NTM: variants seen among roughly 807,000 people sequenced by gnomAD.
NTM encodes the protein IgLON family member 2.
A neutral mutation model predicts 42.1 loss-of-function variants in NTM; 13 were observed. That is an observed-to-expected ratio of 0.31 (90% CI 0.20 to 0.49). The LOEUF is 0.49. NTM is among the 20% of genes least tolerant of loss of function. The probability of loss-of-function intolerance (pLI) is 0.99; values close to 1 mark genes in which losing one functional copy is unlikely to be tolerated. For synonymous variants in NTM, 187 were observed against 179.2 expected, an observed-to-expected ratio of 1.04 and a Z score of -0.35; for missense variants, 373 against 452.8, an observed-to-expected ratio of 0.82 and a Z score of 1.60.
At chr11:131,651,984 G>A (rs2512899) in intron 1 of NTM, among the ~76,000 whole-genome samples, 29,002 of 152,052 alleles carry the variant, frequency 0.19, 2,855 homozygotes, top group South Asian at 0.23. Flanking sequence ...AGCCTGAGGT[G>A]GCCCCCAGCA....
chr11:131,621,966 GTC>G (rs1266562743), intron 1 of NTM, among the ~76,000 whole-genome samples: 1 of 152,144 alleles, frequency 6.6e-6, no homozygotes, highest in Admixed American at 6.5e-5. Context: ...TGTCCTTTCA[GTC>G]TCTCTTTGGA....
In NTM at chr11:131,655,307, A is replaced by G. The variant is rs376341489; in HGVS notation, c.83-256257A>G. Among the ~76,000 whole-genome samples, 19 of 152,330 alleles carry G rather than the reference A, an allele frequency of 1.2e-4. No individual in the cohort carries two copies. In the East Asian group the frequency reaches 3.5e-3, roughly 28 times the overall value. ...AAACAGAGGCTCCCATCCTTACCCT[A>G]CACCAGAGCTATCCTTTGTGTTTTC... On this transcript the variant is annotated intron_variant, in intron 1 of 8. Coordinates refer to ENST00000683400, the MANE Select transcript of NTM (RefSeq NM_001352005.2).
At chr11:132,193,807 A>T (rs1241537490) in intron 3 of NTM, among the ~76,000 whole-genome samples, 1 of 152,250 alleles carries the variant, frequency 6.6e-6, no homozygotes, top group African/African-American at 2.4e-5. Flanking sequence ...CCATAGAAAT[A>T]CAAAAACTAC....
intron 2 of NTM, among the ~76,000 whole-genome samples, chr11:132,012,125 A>C (rs898483935): frequency 4.6e-5 from 7 of 152,170 alleles, no homozygotes; most frequent in Non-Finnish European, 1.0e-4. Flanking sequence ...AGAACAGCGT[A>C]GTCACCTTGT....
chr11:132,001,398 T>C (rs1428491224), intron 2 of NTM, among the ~76,000 whole-genome samples: 1 of 152,248 alleles, frequency 6.6e-6, no homozygotes, highest in Non-Finnish European at 1.5e-5. Context: ...TATAAAGATA[T>C]ACCTGAAATT....
At chr11:131,943,725 C>T (rs1007274188) in intron 2 of NTM, among the ~76,000 whole-genome samples, 8 of 152,082 alleles carry the variant, frequency 5.3e-5, no homozygotes, top group African/African-American at 1.9e-4. Context: ...TTGTCTCTCT[C>T]TGTAGGTGCC....
intron 1 of NTM, among the ~76,000 whole-genome samples, chr11:131,784,507 C>T (rs1238584598): frequency 6.6e-6 from 1 of 152,026 alleles, no homozygotes; most frequent in Non-Finnish European, 1.5e-5. Flanking sequence ...TGAAAAAGAA[C>T]ACATATGATT....
At chr11:131,621,257 TA>T (rs1225562597) in intron 1 of NTM, among the ~76,000 whole-genome samples, 1 of 152,186 alleles carries the variant, frequency 6.6e-6, no homozygotes, top group Non-Finnish European at 1.5e-5. Flanking sequence ...ATTTATCCCC[TA>T]AAAACTAGGA....
chr11:131,697,998 A>C (rs796152322), intron 1 of NTM, among the ~76,000 whole-genome samples: 10 of 152,300 alleles, frequency 6.6e-5, no homozygotes, highest in African/African-American at 2.2e-4. Flanking sequence ...TAGGAAGTAT[A>C]TATCTGAATC....
chr11:132,012,801 C>T (rs1052849626), intron 2 of NTM, among the ~76,000 whole-genome samples: 2 of 152,098 alleles, frequency 1.3e-5, no homozygotes, highest in Admixed American at 1.3e-4. Context: ...GAAGAAGGGG[C>T]TAGAAGAAGG....
At chr11:131,447,106 C>T (rs1272520941) in intron 1 of NTM, among the ~76,000 whole-genome samples, 3 of 152,212 alleles carry the variant, frequency 2.0e-5, no homozygotes, top group African/African-American at 7.2e-5. Flanking sequence ...TAGCATGGGT[C>T]ATTGAGCTGT....
rs138369049 is a variant in NTM at position 131,617,641 on chromosome 11, C to T, written c.82+246753C>T. ...TTCTGGTGGCTTTAATGTGTCCAAG[C>T]GTTATGTTGTTCTGAGCTGAAAGAT... On this transcript the variant is annotated intron_variant, in intron 1 of 8. Coordinates refer to ENST00000683400, the MANE Select transcript of NTM (RefSeq NM_001352005.2). Among the ~76,000 whole-genome samples, 250 of 152,198 alleles carry T rather than the reference C, an allele frequency of 1.6e-3. 2 individuals are homozygous for T. The highest frequency in any genetic ancestry group is 5.7e-3 in the African/African-American group (236 of 41,516).
intron 2 of NTM, among the ~76,000 whole-genome samples, chr11:132,102,827 C>G (rs2061788383): frequency 6.6e-6 from 1 of 152,186 alleles, no homozygotes; most frequent in Admixed American, 6.5e-5. Context: ...CCCTTGCTCC[C>G]AATCTGCAAG....
chr11:132,131,993 TAGAG>T (rs1275763431), intron 2 of NTM, among the ~76,000 whole-genome samples: 3 of 152,172 alleles, frequency 2.0e-5, no homozygotes, highest in Non-Finnish European at 2.9e-5. Flanking sequence ...GACCAGTTAA[TAGAG>T]AGCATCATCA....
chr11:132,097,083 C>A (rs187943874), intron 2 of NTM, among the ~76,000 whole-genome samples: 107 of 152,270 alleles, frequency 7.0e-4, no homozygotes, highest in Admixed American at 2.6e-3. Flanking sequence ...TGGACTTAAT[C>A]TCTAGGTAGA....
chr11:131,748,992 AAAG>A (rs2082159659), intron 1 of NTM, among the ~76,000 whole-genome samples: 1 of 152,216 alleles, frequency 6.6e-6, no homozygotes, highest in African/African-American at 2.4e-5. Flanking sequence ...CACAGAAAAG[AAAG>A]GACATAGAGT....
intron 1 of NTM, among the ~76,000 whole-genome samples, chr11:131,775,510 T>C (rs1383313116): frequency 6.6e-6 from 1 of 152,200 alleles, no homozygotes; most frequent in East Asian, 1.9e-4. Context: ...GTTGCTCTTA[T>C]TTAATAAATC....
At chr11:131,760,804 A>T (rs1591655108) in intron 1 of NTM, among the ~76,000 whole-genome samples, 1 of 152,268 alleles carries the variant, frequency 6.6e-6, no homozygotes, top group East Asian at 1.9e-4. Flanking sequence ...AAACCTGCGG[A>T]GGGAGCTAAG....
intron 2 of NTM, among the ~76,000 whole-genome samples, chr11:132,021,071 T>C (rs549257834): frequency 6.6e-6 from 1 of 152,128 alleles, no homozygotes; most frequent in Non-Finnish European, 1.5e-5. Flanking sequence ...TTCTGTCTTT[T>C]TTCCCCTCTT....
Sources: allele counts gnomAD v4.1 joint callset (sites outside exome capture counted in the v4.1 genomes callset), GRCh38; gene constraint gnomAD v4.1.1; transcripts MANE v1.5; gene names NCBI Gene and HGNC (gene_info 2026-07-23, HGNC 2026-07-21).